PDE4D: variants seen among roughly 807,000 people sequenced by gnomAD.
PDE4D encodes the protein phosphodiesterase 4D.
In PDE4D, 24 loss-of-function variants were observed where a neutral mutation model predicts 87.4. The ratio of observed to expected loss-of-function variants is 0.27; its 90% confidence interval spans 0.20 to 0.39. The LOEUF is 0.39. Ranked by LOEUF, PDE4D falls within the 10% of genes least tolerant of loss-of-function variation. The probability of loss-of-function intolerance (pLI) is 1.00; values close to 1 mark genes in which losing one functional copy is unlikely to be tolerated. For missense variants in PDE4D, 714 were observed against 1,041.0 expected (o/e 0.69, Z 4.32); for synonymous variants, 384 against 383.2 (o/e 1.00, Z -0.02).
At chr5:60,084,060 G>GA (rs1774266735) in intron 2 of PDE4D, among the ~76,000 whole-genome samples, 1 of 152,074 alleles carries the variant, frequency 6.6e-6, no homozygotes, top group Non-Finnish European at 1.5e-5. Context: ...ATTGCTTTGT[G>GA]AAAAATTCAT....
intron 1 of PDE4D, among the ~76,000 whole-genome samples, chr5:59,748,245 C>T (rs898632095): frequency 6.6e-6 from 1 of 152,204 alleles, no homozygotes; most frequent in Non-Finnish European, 1.5e-5. Flanking sequence ...TTTGCACTCT[C>T]TTGAATCACT....
chr5:59,144,737 C>T (rs561127337), intron 5 of PDE4D, among the ~76,000 whole-genome samples: 22 of 152,170 alleles, frequency 1.4e-4, no homozygotes, highest in East Asian at 1.9e-4. Flanking sequence ...GTAAAAAGTA[C>T]GGATTTAATA....
At chr5:59,179,600 C>T in intron 5 of PDE4D, 1 of 405,700 alleles carries the variant, frequency 2.5e-6, no homozygotes, top group South Asian at 1.8e-5. Flanking sequence ...ATTCCAGAAT[C>T]AACTCTAATG....
At chr5:59,985,674 A>T (rs1762392933) in intron 3 of PDE4D, among the ~76,000 whole-genome samples, 1 of 152,186 alleles carries the variant, frequency 6.6e-6, no homozygotes, top group Non-Finnish European at 1.5e-5. Flanking sequence ...TTTTCTTCAT[A>T]ATATTGGATA....
intron 1 of PDE4D, among the ~76,000 whole-genome samples, chr5:59,561,925 G>A (rs1433919219): frequency 3.2e-5 from 3 of 94,056 alleles, no homozygotes; most frequent in African/African-American, 1.3e-4. Context: ...AGAGTGAAAC[G>A]CTGTCAAAAA....
At chr5:59,208,247 T>C (rs1396090169) in intron 2 of PDE4D, among the ~76,000 whole-genome samples, 2 of 152,208 alleles carry the variant, frequency 1.3e-5, no homozygotes, top group Non-Finnish European at 2.9e-5. Context: ...TAAAATGGTA[T>C]GCTAAATATT....
intron 5 of PDE4D, among the ~76,000 whole-genome samples, chr5:59,168,591 C>T (rs1782256889): frequency 6.6e-6 from 1 of 152,142 alleles, no homozygotes; most frequent in African/African-American, 2.4e-5. Context: ...GATCTTATCC[C>T]TCCTCTTGTC....
intron 1 of PDE4D, among the ~76,000 whole-genome samples, chr5:60,445,906 T>TA (rs1476926638): frequency 1.3e-5 from 2 of 151,666 alleles, no homozygotes; most frequent in Non-Finnish European, 2.9e-5. Flanking sequence ...TGGAAAAAAA[T>TA]ATTTACATTA....
intron 1 of PDE4D, among the ~76,000 whole-genome samples, chr5:59,298,757 A>C (rs530570016): frequency 6.6e-6 from 1 of 152,330 alleles, no homozygotes; most frequent in East Asian, 1.9e-4. Context: ...TTTAAAGCAC[A>C]TTATAATTAA....
chr5:59,902,973 T>G (rs565863062), intron 3 of PDE4D, among the ~76,000 whole-genome samples: 1 of 152,296 alleles, frequency 6.6e-6, no homozygotes, highest in South Asian at 2.1e-4. Flanking sequence ...GTTTTATAGT[T>G]AAATAAAGTT....
At chr5:59,712,079 A>T (rs535361746) in intron 1 of PDE4D, among the ~76,000 whole-genome samples, 1 of 152,198 alleles carries the variant, frequency 6.6e-6, no homozygotes, top group Non-Finnish European at 1.5e-5. Context: ...CTGCTTTGAC[A>T]ATATTTAAAT....
intron 1 of PDE4D, among the ~76,000 whole-genome samples, chr5:60,366,648 T>C (rs1760572089): frequency 6.6e-6 from 1 of 152,208 alleles, no homozygotes; most frequent in Admixed American, 6.5e-5. Flanking sequence ...CCCTCTGGGC[T>C]GGCACAGACT....
chr5:59,942,620 A>C (rs1757303529), intron 3 of PDE4D, among the ~76,000 whole-genome samples: 1 of 152,174 alleles, frequency 6.6e-6, no homozygotes, highest in African/African-American at 2.4e-5. Context: ...ATTGTGAGAA[A>C]TCAAGGAAGA....
At chr5:60,018,466 C>T (rs768583355) in intron 2 of PDE4D, among the ~76,000 whole-genome samples, 8 of 152,122 alleles carry the variant, frequency 5.3e-5, no homozygotes, top group Non-Finnish European at 1.0e-4. Context: ...ATCATGATGA[C>T]AGGATCAAAT....
At chr5:59,752,989 G>A (rs1439747565) in intron 1 of PDE4D, among the ~76,000 whole-genome samples, 1 of 152,124 alleles carries the variant, frequency 6.6e-6, no homozygotes, top group African/African-American at 2.4e-5. Flanking sequence ...AGTTTTATTG[G>A]AACATGCTAA....
At chr5:60,418,452 T>C (rs1404851182) in intron 1 of PDE4D, among the ~76,000 whole-genome samples, 2 of 152,318 alleles carry the variant, frequency 1.3e-5, no homozygotes, top group Middle Eastern at 3.4e-3. Context: ...ACAGTAATAA[T>C]AATAACTCTA....
Position 59,807,234 on chromosome 5 carries a change from T to C in PDE4D, c.455+85934A>G, listed in dbSNP as rs75227453. Among the ~76,000 whole-genome samples, 411 of 152,300 alleles carry C rather than the reference T, an allele frequency of 2.7e-3. 4 individuals are homozygous for C. Among genetic ancestry groups the C allele is most frequent in the African/African-American group, 9.5e-3 (394 of 41,570 alleles). ...CTGGGAGCCTTAGAAGGCCCACTCT[T>C]TCCCTTCTCCAGTCCTGCCTCTTCC... On this transcript the variant is annotated intron_variant, in intron 1 of 14. Coordinates refer to ENST00000340635, the MANE Select transcript of PDE4D (RefSeq NM_001104631.2).
Position 60,037,507 on chromosome 5 carries a change from C to T in PDE4D, c.43-48790G>A, listed in dbSNP as rs568505182. ...GTCTGGGCCCATTTGTTTACTTATT[C>T]GTTGCTTTCCTCATTCATTGGTTTT... On this transcript the variant is annotated intron_variant, in intron 2 of 16. Transcript: ENST00000502484. Among the ~76,000 whole-genome samples the T allele has an allele frequency of 4.5e-4, 69 of 152,206 alleles. 1 individual carries two copies. In the Middle Eastern group the frequency reaches 0.017, roughly 38 times the overall value.
At chr5:59,064,551 G>A (rs1763605814) in intron 5 of PDE4D, among the ~76,000 whole-genome samples, 1 of 152,040 alleles carries the variant, frequency 6.6e-6, no homozygotes, top group Admixed American at 6.6e-5. Context: ...AAACCAAATG[G>A]GAATGAAATA....
Sources: gnomAD v4.1 joint callset for allele counts (sites outside exome capture counted in the v4.1 genomes callset) on GRCh38, gnomAD v4.1.1 for gene constraint, MANE v1.5 for transcripts, NCBI Gene and HGNC (gene_info 2026-07-23, HGNC 2026-07-21) for gene names.